FAM151B: variants seen among roughly 807,000 people sequenced by gnomAD.
FAM151B encodes family with sequence similarity 151 member B.
Under a neutral mutation model 31.2 loss-of-function variants are expected in FAM151B, and 24 were observed. The ratio of observed to expected loss-of-function variants is 0.77; its 90% CI spans 0.56 to 1.08. The LOEUF (loss-of-function observed/expected upper bound fraction) is 1.08, where lower values mean the gene tolerates loss of function less well. Ranked by LOEUF, FAM151B falls within the 50% of genes least tolerant of loss-of-function variation. FAM151B has a pLI of 0.00. For missense variants in FAM151B, 293 were observed against 328.6 expected (o/e 0.89, Z 0.84); for synonymous variants, 105 against 111.4 (o/e 0.94, Z 0.36).
chr5:80,537,326 T>C (rs1257347257), intron 5 of FAM151B, among the ~76,000 whole-genome samples: 1 of 152,208 alleles, frequency 6.6e-6, no homozygotes, highest in Non-Finnish European at 1.5e-5. Flanking sequence ...TACTACACTT[T>C]TACTTTTCCT....
chr5:80,493,577 C>T (rs1313057759), intron 1 of FAM151B, among the ~76,000 whole-genome samples: 1 of 151,992 alleles, frequency 6.6e-6, no homozygotes, highest in African/African-American at 2.4e-5. Context: ...AAGGAATAAC[C>T]CTGGGGAAGG....
intron 3 of FAM151B, among the ~76,000 whole-genome samples, chr5:80,514,689 C>A (rs903638525): frequency 1.3e-5 from 2 of 151,912 alleles, no homozygotes; most frequent in African/African-American, 2.4e-5. Flanking sequence ...ATGAAGGCAG[C>A]TGCTATTGAA....
At chr5:80,529,603 TA>T (rs956355890) in intron 5 of FAM151B, among the ~76,000 whole-genome samples, 2 of 152,118 alleles carry the variant, frequency 1.3e-5, no homozygotes, top group African/African-American at 4.8e-5. Flanking sequence ...GAGAATACTA[TA>T]AACACCTCTA....
chr5:80,491,245 T>A (rs1743320829), intron 1 of FAM151B, among the ~76,000 whole-genome samples: 1 of 151,866 alleles, frequency 6.6e-6, no homozygotes, highest in Non-Finnish European at 1.5e-5. Flanking sequence ...AGACAGGGTC[T>A]CGCTCTGTCA....
chr5:80,500,242 G>A (rs184110679), intron 1 of FAM151B: 151 of 569,060 alleles, frequency 2.7e-4, no homozygotes, highest in African/African-American at 2.3e-3. Flanking sequence ...GCTATGGGGA[G>A]GGGGAAGCAA....
Position 80,507,248 on chromosome 5 carries a change from GGGTGACTGT to G in FAM151B, c.151+5334_151+5342del, listed in dbSNP as rs1333449863. On this transcript the variant is annotated intron_variant, in intron 2 of 5. Transcript: ENST00000282226. Reference sequence around the variant, plus strand: ...GGGCTGTTCCAAGATTTGGACTAGAGGGTGACTGTGGCAGTTAGCAGGTAGCAGGCACAG... The same window carrying G: ...GGGCTGTTCCAAGATTTGGACTAGAGGGCAGTTAGCAGGTAGCAGGCACAG... 4.6e-5 allele frequency among the ~76,000 whole-genome samples: 7 copies of G among 152,326 alleles called. No individual in the cohort carries two copies. In the South Asian group the frequency reaches 1.2e-3, roughly 27 times the overall value.
chr5:80,521,064 A>C (rs1223884981), intron 4 of FAM151B, among the ~76,000 whole-genome samples: 1 of 136,962 alleles, frequency 7.3e-6, no homozygotes, highest in Non-Finnish European at 1.5e-5. Flanking sequence ...TGATCCACCC[A>C]CCTTGGCCTC....
intron 2 of FAM151B, among the ~76,000 whole-genome samples, chr5:80,508,971 T>C (rs868178545): frequency 6.6e-6 from 1 of 151,904 alleles, no homozygotes; most frequent in Non-Finnish European, 1.5e-5. Context: ...CCAAAACTCA[T>C]GTTGAAATTT....
intron 3 of FAM151B, among the ~76,000 whole-genome samples, chr5:80,514,433 C>T (rs1371871521): frequency 6.6e-6 from 1 of 150,592 alleles, no homozygotes; most frequent in African/African-American, 2.4e-5. Context: ...CGAGATCACG[C>T]CATTGAATTC....
intron 5 of FAM151B, among the ~76,000 whole-genome samples, chr5:80,539,727 G>A (rs764855762): frequency 2.6e-5 from 4 of 151,392 alleles, no homozygotes; most frequent in Non-Finnish European, 5.9e-5. Flanking sequence ...CCTGAGCTCA[G>A]GCAATCGGCC....
chr5:80,501,811 A>T lies in FAM151B; in HGVS notation c.45A>T (p.Ile15=), dbSNP rs750363890. The T allele has an allele frequency of 6.2e-7, 1 of 1,602,694 alleles. No individual in the cohort carries two copies. Among genetic ancestry groups the T allele is most frequent in the Non-Finnish European group, 8.5e-7 (1 of 1,172,550 alleles). Residue 15 remains isoleucine, a synonymous_variant, in exon 2 of 6, where the codon ATA becomes ATT. Coordinates refer to ENST00000282226, the MANE Select transcript of FAM151B (RefSeq NM_205548.3). ...TTTTAGGATCTTGGAGTGAAAATAT[A>T]CTGGAATATTTTCTGAGAAATAGCC... ...AGGPGSWSEN[I]LEYFLRNSQI...
intron 5 of FAM151B, among the ~76,000 whole-genome samples, chr5:80,538,641 G>A (rs2112682729): frequency 6.8e-6 from 1 of 147,224 alleles, no homozygotes; most frequent in Admixed American, 7.0e-5. Flanking sequence ...CTGTTGCCCA[G>A]ACTGGAGTGC....
intron 5 of FAM151B, among the ~76,000 whole-genome samples, chr5:80,526,145 A>C (rs1294529541): frequency 6.6e-6 from 1 of 152,012 alleles, no homozygotes; most frequent in Non-Finnish European, 1.5e-5. Flanking sequence ...CAGCCTCCTT[A>C]TACCCACATT....
chr5:80,517,033 C>T (rs370397497), intron 3 of FAM151B, among the ~76,000 whole-genome samples: 7 of 152,132 alleles, frequency 4.6e-5, no homozygotes, highest in African/African-American at 1.7e-4. Flanking sequence ...CTTCGTCCAG[C>T]GTATCCACAC....
chr5:80,538,381 T>C (rs988742891), intron 5 of FAM151B, among the ~76,000 whole-genome samples: 1 of 37,464 alleles, frequency 2.7e-5, no homozygotes, highest in Non-Finnish European at 4.9e-5. Context: ...TTTTTCTTTC[T>C]TTCTTTCTTT....
chr5:80,507,002 C>T (rs1743987521), intron 2 of FAM151B, among the ~76,000 whole-genome samples: 1 of 151,808 alleles, frequency 6.6e-6, no homozygotes, highest in African/African-American at 2.4e-5. Context: ...GCCTGTAGTC[C>T]CAGCTATTTG....
chr5:80,504,739 C>T (rs1198593459), intron 2 of FAM151B, among the ~76,000 whole-genome samples: 1 of 151,932 alleles, frequency 6.6e-6, no homozygotes, highest in Non-Finnish European at 1.5e-5. Context: ...AGGATGGTCT[C>T]CATCTCCTGA....
chr5:80,533,594 A>G (rs1245250111), intron 5 of FAM151B, among the ~76,000 whole-genome samples: 9 of 151,424 alleles, frequency 5.9e-5, no homozygotes, highest in Non-Finnish European at 1.3e-4. Flanking sequence ...TACTAAAAAT[A>G]CAACAATTAA....
intron 3 of FAM151B, among the ~76,000 whole-genome samples, chr5:80,517,374 G>A (rs913420648): frequency 8.5e-5 from 13 of 152,172 alleles, no homozygotes; most frequent in Admixed American, 8.5e-4. Flanking sequence ...TGCAGATAAG[G>A]TGGACTACTG....
Sources: gnomAD v4.1 joint callset for allele counts (sites outside exome capture counted in the v4.1 genomes callset) on GRCh38, gnomAD v4.1.1 for gene constraint, MANE v1.5 for transcripts, NCBI Gene and HGNC (gene_info 2026-07-23, HGNC 2026-07-21) for gene names.